SELENOT: variants seen among roughly 807,000 people sequenced by gnomAD.
The protein encoded by SELENOT is selenoprotein T.
Under a neutral mutation model 24.3 loss-of-function variants are expected in SELENOT, and 9 were observed. The ratio of observed to expected loss-of-function variants is 0.37; its 90% CI spans 0.22 to 0.65. SELENOT has a LOEUF of 0.65. Among genes scored for constraint, SELENOT ranks in the 30% least tolerant of loss-of-function variants. SELENOT has a pLI of 0.60. For synonymous variants in SELENOT, 81 were observed against 86.0 expected, an observed-to-expected ratio of 0.94 and a Z score of 0.32; for missense variants, 166 against 247.6, an observed-to-expected ratio of 0.67 and a Z score of 2.21.
intron 1 of SELENOT, among the ~76,000 whole-genome samples, chr3:150,610,795 C>T (rs1726067930): frequency 6.6e-6 from 1 of 152,208 alleles, no homozygotes; most frequent in Non-Finnish European, 1.5e-5. Context: ...AACCTACCTA[C>T]ATACATGTGT....
chr3:150,627,534 G>C (rs1726469939), intron 5 of SELENOT, 125 bp from the exon 6 acceptor site: 2 of 156,298 alleles, frequency 1.3e-5, no homozygotes, highest in African/African-American at 4.8e-5. Flanking sequence ...AAAATTTATA[G>C]GCAAATGTGT....
chr3:150,615,575 A>G (rs1225635813), intron 1 of SELENOT, among the ~76,000 whole-genome samples: 3 of 152,174 alleles, frequency 2.0e-5, no homozygotes, highest in Non-Finnish European at 4.4e-5. Flanking sequence ...AGAGAGCCAA[A>G]TCATGAGTGA....
chr3:150,606,352 A>G (rs1323172580), intron 1 of SELENOT, among the ~76,000 whole-genome samples: 1 of 151,556 alleles, frequency 6.6e-6, no homozygotes, highest in Non-Finnish European at 1.5e-5. Context: ...CTTGTTGCCC[A>G]GGCTGTGTGT....
intron 1 of SELENOT, among the ~76,000 whole-genome samples, chr3:150,609,850 A>G (rs1475186007): frequency 6.6e-6 from 1 of 152,166 alleles, no homozygotes; most frequent in East Asian, 1.9e-4. Context: ...CTTTCTGTCT[A>G]CCTTATAATT....
In SELENOT at chr3:150,616,004, A is replaced by C. The variant is rs1726203519; in HGVS notation, c.138-6381A>C. 2.0e-5 allele frequency among the ~76,000 whole-genome samples: 3 copies of C among 152,164 alleles called. No homozygotes were observed. In the South Asian group the frequency reaches 6.2e-4, roughly 32 times the overall value. On this transcript the variant is annotated intron_variant, in intron 1 of 5. Transcript: ENST00000471696. ...ATGGTACTGGTACCAAAACAGAGAT[A>C]TAGATCAATGGAACAGAACAGAGCC... is the stretch of plus-strand genomic sequence containing the variant.
chr3:150,623,216 G>C, intron 3 of SELENOT, 47 bp downstream of exon 3: 1 of 1,485,914 alleles, frequency 6.7e-7, no homozygotes, highest in Non-Finnish European at 9.0e-7. Flanking sequence ...TATGTTGTCA[G>C]TGAAATATTC....
At chr3:150,603,786 T>TGTTA (rs1725898763) in intron 1 of SELENOT, 2 of 267,748 alleles carry the variant, frequency 7.5e-6, no homozygotes, top group African/African-American at 4.4e-5. Flanking sequence ...GGGGGACACC[T>TGTTA]GTTAGTACGG....
chr3:150,625,024 GAA>G, intron 4 of SELENOT, 125 bp downstream of exon 4: 2 of 489,596 alleles, frequency 4.1e-6, no homozygotes, highest in Non-Finnish European at 6.7e-6. Flanking sequence ...TTATTTGAAA[GAA>G]ATTGAAAATT....
At chr3:150,626,408 T>C (rs1341821124) in intron 4 of SELENOT, among the ~76,000 whole-genome samples, 2 of 152,190 alleles carry the variant, frequency 1.3e-5, no homozygotes, top group Non-Finnish European at 2.9e-5. Context: ...GCTTGTGTAT[T>C]GTTACAGCTG....
At chr3:150,626,828 A>G in intron 4 of SELENOT, 182 bp from the exon 5 acceptor site, 1 of 569,098 alleles carries the variant, frequency 1.8e-6, no homozygotes, top group Non-Finnish European at 3.1e-6. Flanking sequence ...TTTTGTAGCC[A>G]TTTGTGTAGT....
intron 1 of SELENOT, chr3:150,611,698 C>T (rs12631340): frequency 0.21 from 332,252 of 1,586,056 alleles, 38,342 homozygotes; most frequent in East Asian, 0.43. Context: ...CCGCACCGCT[C>T]ACCATCCTCC....
At chr3:150,611,017 G>GTGTGTGTGTGTC (rs1726076460) in intron 1 of SELENOT, among the ~76,000 whole-genome samples, 1 of 151,806 alleles carries the variant, frequency 6.6e-6, no homozygotes, top group Non-Finnish European at 1.5e-5. Flanking sequence ...GTGTGTGTGT[G>GTGTGTGTGTGTC]TGTGTGTGTG....
rs1014302197 is a variant in SELENOT at position 150,628,895 on chromosome 3, C to T, written c.*1266C>T. The T allele has an allele frequency of 6.6e-6, 1 of 152,036 alleles. No homozygotes were observed. Among genetic ancestry groups the T allele is most frequent in the Non-Finnish European group, 1.5e-5 (1 of 67,992 alleles). 9.4% of individuals were successfully genotyped at this position (152,036 alleles called of 1,614,324 possible). On this transcript the variant is annotated 3_prime_UTR_variant, in exon 6 of 6. Transcript: ENST00000471696. ...GTTATAAGGTACAGGTTGAGTATCC[C>T]TTTTCCAAAAATGCTTGGGACAAGA...
At chr3:150,627,238 A>C in intron 5 of SELENOT, 75 bp downstream of exon 5, 1 of 1,098,342 alleles carries the variant, frequency 9.1e-7, no homozygotes, top group Non-Finnish European at 1.3e-6. Context: ...TAAATATTAC[A>C]TATATTATCA....
rs1479907176 is a variant in SELENOT, at chr3:150,628,795, T to A, written c.*1166T>A. On this transcript the variant is annotated 3_prime_UTR_variant, in exon 6 of 6. Transcript: ENST00000471696. Reference sequence around the variant, plus strand: ...GAACCAGAATGTAGAAGAGTAGTCATGTAACAGCAGTAATAACATACTTCA... The same window carrying A: ...GAACCAGAATGTAGAAGAGTAGTCAAGTAACAGCAGTAATAACATACTTCA... 6.6e-6 allele frequency: 1 copy of A among 152,196 alleles called. No individual in the cohort carries two copies. Among genetic ancestry groups the A allele is most frequent in the African/African-American group, 2.4e-5 (1 of 41,460 alleles). 9.4% of individuals were successfully genotyped at this position (152,196 alleles called of 1,614,324 possible).
chr3:150,624,721 A>C, intron 3 of SELENOT, 91 bp from the exon 4 acceptor site: 1 of 734,188 alleles, frequency 1.4e-6, no homozygotes, highest in East Asian at 2.9e-5. Context: ...GAATAGCAGT[A>C]ATAGTTTTTA....
chr3:150,628,394 A>T lies in SELENOT; in HGVS notation c.*765A>T, dbSNP rs565999622. On this transcript the variant is annotated 3_prime_UTR_variant, in exon 6 of 6. Transcript: ENST00000471696. Reference sequence around the variant, plus strand: ...GATATGAGTTAAATTTAAAAGTTTCAATTTATTGCTCAGTGTACCTGTTAA... The same window carrying T: ...GATATGAGTTAAATTTAAAAGTTTCTATTTATTGCTCAGTGTACCTGTTAA... 4.6e-5 allele frequency: 7 copies of T among 152,750 alleles called. No individual in the cohort carries two copies. The highest frequency in any genetic ancestry group is 1.3e-4 in the Admixed American group (2 of 15,294). 9.5% of individuals were successfully genotyped at this position (152,750 alleles called of 1,614,324 possible).
At chr3:150,611,901 C>T (rs892161347) in intron 1 of SELENOT, 4 of 996,184 alleles carry the variant, frequency 4.0e-6, no homozygotes, top group African/African-American at 1.7e-5. Flanking sequence ...GGGGTACCGG[C>T]GCTGACAGAA....
intron 1 of SELENOT, chr3:150,611,658 T>C (rs1302500334): frequency 3.8e-6 from 6 of 1,599,436 alleles, no homozygotes; most frequent in Non-Finnish European, 5.1e-6. Context: ...CTGGATCCTC[T>C]TGCTGAAGCT....
Sources: gnomAD v4.1 joint callset for allele counts (sites outside exome capture counted in the v4.1 genomes callset) on GRCh38, gnomAD v4.1.1 for gene constraint, MANE v1.5 for transcripts, NCBI Gene and HGNC (gene_info 2026-07-23, HGNC 2026-07-21) for gene names.